LRFN5: variants seen among roughly 807,000 people sequenced by gnomAD.
LRFN5 encodes the protein leucine rich repeat and fibronectin type III domain containing 5.
LRFN5 carries 24 observed loss-of-function variants against 45.6 expected under a neutral mutation model. The observed-to-expected ratio is 0.53, with a 90% confidence interval of 0.38 to 0.74. The LOEUF (loss-of-function observed/expected upper bound fraction) is 0.74. LRFN5 is among the 30% of genes least tolerant of loss of function. The probability of loss-of-function intolerance (pLI) is 0.00; values close to 1 mark genes in which losing one functional copy is unlikely to be tolerated. For synonymous variants in LRFN5, 340 were observed against 313.8 expected (o/e 1.08, Z -0.88); for missense variants, 776 against 861.5 (o/e 0.90, Z 1.24).
chr14:41,668,042 C>T (rs563114147), intron 1 of LRFN5, among the ~76,000 whole-genome samples: 19 of 152,256 alleles, frequency 1.2e-4, no homozygotes, highest in African/African-American at 4.6e-4. Context: ...TGTGCTTCAG[C>T]TCTCTCACTT....
intron 2 of LRFN5, among the ~76,000 whole-genome samples, chr14:41,779,364 G>C (rs1423483084): frequency 6.6e-6 from 1 of 151,730 alleles, no homozygotes; most frequent in Non-Finnish European, 1.5e-5. Context: ...TCCATTGTTT[G>C]TTCAATTTGT....
At position 41,878,389 on chromosome 14, in the gene LRFN5, G is replaced by A. The variant is rs533346011; in HGVS notation, c.-20-8217G>A. ...CAACATATAAATTGCTACCATATTG[G>A]TTTCTGCAGAGAATAGGCTTTAGTC... is the stretch of plus-strand genomic sequence containing the variant. On this transcript the variant is annotated intron_variant, in intron 2 of 5. Transcript: ENST00000298119. Among the ~76,000 whole-genome samples, 3 of 152,058 alleles carry A rather than the reference G, an allele frequency of 2.0e-5. No homozygotes were observed. The East Asian group carries it at 5.8e-4, about 29-fold the overall frequency.
intron 1 of LRFN5, among the ~76,000 whole-genome samples, chr14:41,689,303 A>G (rs915273226): frequency 2.0e-5 from 3 of 152,200 alleles, no homozygotes; most frequent in Non-Finnish European, 4.4e-5. Context: ...GACAAACACA[A>G]CAAAACCAAA....
At chr14:41,824,324 G>A (rs529463093) in intron 2 of LRFN5, among the ~76,000 whole-genome samples, 238 of 152,302 alleles carry the variant, frequency 1.6e-3, no homozygotes, top group Non-Finnish European at 2.9e-3. Flanking sequence ...CTTTTGGTCA[G>A]TTGGTTCCTC....
chr14:41,869,962 A>T (rs1358311037), intron 2 of LRFN5, among the ~76,000 whole-genome samples: 1 of 152,140 alleles, frequency 6.6e-6, no homozygotes, highest in Non-Finnish European at 1.5e-5. Flanking sequence ...TCAATTTTTA[A>T]TCTAAATATT....
intron 2 of LRFN5, among the ~76,000 whole-genome samples, chr14:41,819,727 A>T (rs191165978): frequency 2.0e-5 from 3 of 152,038 alleles, no homozygotes; most frequent in Admixed American, 2.0e-4. Flanking sequence ...AGAACTCATT[A>T]TGGTCACTAG....
chr14:41,759,347 A>G (rs1184442368), intron 1 of LRFN5, among the ~76,000 whole-genome samples: 3 of 152,048 alleles, frequency 2.0e-5, no homozygotes, highest in East Asian at 3.9e-4. Flanking sequence ...CAATTGCTTA[A>G]TAGTTTCCCA....
At chr14:41,646,739 A>G (rs755999874) in intron 1 of LRFN5, among the ~76,000 whole-genome samples, 2 of 152,204 alleles carry the variant, frequency 1.3e-5, no homozygotes, top group African/African-American at 4.8e-5. Context: ...GTGCATGACA[A>G]TGCTCACTGG....
chr14:41,900,640 CAA>C (rs1483347426), intron 5 of LRFN5, among the ~76,000 whole-genome samples: 1 of 151,994 alleles, frequency 6.6e-6, no homozygotes, highest in Non-Finnish European at 1.5e-5. Flanking sequence ...ATAGTTTTAA[CAA>C]AATTCAGTGG....
At chr14:41,675,756 A>C (rs1427067897) in intron 1 of LRFN5, among the ~76,000 whole-genome samples, 1 of 152,216 alleles carries the variant, frequency 6.6e-6, no homozygotes, top group Non-Finnish European at 1.5e-5. Flanking sequence ...AATGATGATC[A>C]GTTGGCTTCC....
chr14:41,676,482 A>G (rs568656719), intron 1 of LRFN5, among the ~76,000 whole-genome samples: 22 of 152,346 alleles, frequency 1.4e-4, no homozygotes, highest in Non-Finnish European at 2.5e-4. Flanking sequence ...AGAGAAACTA[A>G]GAGGAGGCTG....
At chr14:41,695,502 A>G (rs1366285628) in intron 1 of LRFN5, among the ~76,000 whole-genome samples, 1 of 151,940 alleles carries the variant, frequency 6.6e-6, no homozygotes, top group Non-Finnish European at 1.5e-5. Context: ...TTTTTCAAAG[A>G]ACAGGCTGAA....
intron 1 of LRFN5, among the ~76,000 whole-genome samples, chr14:41,652,660 C>G (rs1880185922): frequency 6.6e-6 from 1 of 152,046 alleles, no homozygotes; most frequent in Admixed American, 6.6e-5. Flanking sequence ...GATGAGTAGG[C>G]TTTTTAGGCA....
intron 2 of LRFN5, among the ~76,000 whole-genome samples, chr14:41,850,803 C>T (rs1889239994): frequency 6.6e-6 from 1 of 151,720 alleles, no homozygotes; most frequent in Admixed American, 6.6e-5. Flanking sequence ...ACAGCACCCC[C>T]TCCATGCTAG....
At chr14:41,792,889 A>G (rs1272128460) in intron 2 of LRFN5, among the ~76,000 whole-genome samples, 2 of 150,830 alleles carry the variant, frequency 1.3e-5, no homozygotes, top group Non-Finnish European at 2.9e-5. Context: ...TTATAAAAGT[A>G]TTACTTGGTT....
At chr14:41,776,609 A>G (rs192841402) in intron 2 of LRFN5, among the ~76,000 whole-genome samples, 1 of 152,252 alleles carries the variant, frequency 6.6e-6, no homozygotes, top group East Asian at 1.9e-4. Context: ...ACTGAGGGTG[A>G]CAGTCCTTTT....
At chr14:41,857,908 A>G (rs2139090963) in intron 2 of LRFN5, among the ~76,000 whole-genome samples, 1 of 152,356 alleles carries the variant, frequency 6.6e-6, no homozygotes, top group South Asian at 2.1e-4. Flanking sequence ...TGGATGTGAA[A>G]TACAAGAGCT....
At chr14:41,630,774 A>G (rs1888505915) in intron 1 of LRFN5, among the ~76,000 whole-genome samples, 1 of 152,134 alleles carries the variant, frequency 6.6e-6, no homozygotes, top group Admixed American at 6.5e-5. Flanking sequence ...AAAGTCTTTT[A>G]TATACGATTA....
At position 41,727,887 on chromosome 14, in the gene LRFN5, T is replaced by C. The variant is rs183870209; in HGVS notation, c.-196-38967T>C. Among the ~76,000 whole-genome samples, 10 of 152,276 alleles carry C rather than the reference T, an allele frequency of 6.6e-5. No homozygotes were observed. The East Asian group carries it at 1.5e-3, about 24-fold the overall frequency. The stretch of plus-strand genomic sequence containing the variant: ...TGAAAGTTAGGTGAGTATTGAGTAG[T>C]ACATGAAGGTGGGGTGGTAGAGGAT... On this transcript the variant is annotated intron_variant, in intron 1 of 5. Transcript: ENST00000298119.
Sources: allele counts gnomAD v4.1 joint callset (sites outside exome capture counted in the v4.1 genomes callset), GRCh38; gene constraint gnomAD v4.1.1; transcripts MANE v1.5; gene names NCBI Gene and HGNC (gene_info 2026-07-23, HGNC 2026-07-21).